PTPRD: variants seen among roughly 807,000 people sequenced by gnomAD.
PTPRD encodes the protein protein tyrosine phosphatase receptor type D, also known as receptor-type tyrosine-protein phosphatase delta.
Under a neutral mutation model 214.5 loss-of-function variants are expected in PTPRD, and 34 were observed. The observed-to-expected ratio is 0.16, with a 90% CI of 0.12 to 0.21. The LOEUF is 0.21. PTPRD is among the 10% of genes least tolerant of loss of function. The pLI is 1.00. For missense variants in PTPRD, 2,545 were observed against 2,398.7 expected (o/e 1.06, Z -1.27); for synonymous variants, 1,128 against 845.7 (o/e 1.33, Z -5.79).
At chr9:9,470,205 T>G (rs909476246) in intron 8 of PTPRD, among the ~76,000 whole-genome samples, 5 of 152,182 alleles carry the variant, frequency 3.3e-5, no homozygotes, top group Non-Finnish European at 7.4e-5. Context: ...ATATTAGATT[T>G]ATATTTGTAT....
chr9:8,568,163 G>A (rs2089985462), intron 14 of PTPRD, among the ~76,000 whole-genome samples: 1 of 152,060 alleles, frequency 6.6e-6, no homozygotes, highest in South Asian at 2.1e-4. Context: ...GGTTTAGTCA[G>A]CAAAATGTTT....
At chr9:9,783,818 C>T (rs939501478) in intron 5 of PTPRD, among the ~76,000 whole-genome samples, 2 of 77,926 alleles carry the variant, frequency 2.6e-5, no homozygotes, top group Non-Finnish European at 5.6e-5. Context: ...TCTCCTGCTT[C>T]GTTTTTTTTT....
At chr9:8,472,603 C>T (rs1565090015) in intron 30 of PTPRD, among the ~76,000 whole-genome samples, 2 of 152,120 alleles carry the variant, frequency 1.3e-5, no homozygotes, top group Admixed American at 6.6e-5. Flanking sequence ...ATGTAAAAGA[C>T]ATATTGCATT....
chr9:8,342,999 T>C (rs879289875), intron 39 of PTPRD, among the ~76,000 whole-genome samples: 1 of 152,024 alleles, frequency 6.6e-6, no homozygotes, highest in Admixed American at 6.6e-5. Flanking sequence ...GGGAGCTACA[T>C]GTGAAATTTT....
At chr9:9,278,640 G>C (rs1194623561) in intron 9 of PTPRD, among the ~76,000 whole-genome samples, 2 of 151,308 alleles carry the variant, frequency 1.3e-5, no homozygotes, top group Non-Finnish European at 3.0e-5. Flanking sequence ...CAACATTACA[G>C]TATGTGGTTG....
chr9:9,576,450 C>G (rs373724519), intron 7 of PTPRD, among the ~76,000 whole-genome samples: 1 of 152,064 alleles, frequency 6.6e-6, no homozygotes, highest in African/African-American at 2.4e-5. Context: ...CCTCCAGGAG[C>G]AAGGATAGAG....
At chr9:10,289,717 A>C (rs1475836422) in intron 3 of PTPRD, among the ~76,000 whole-genome samples, 1 of 152,218 alleles carries the variant, frequency 6.6e-6, no homozygotes, top group Non-Finnish European at 1.5e-5. Flanking sequence ...ATCTTGCCAT[A>C]TAATTTGGCA....
chr9:8,314,952 C>G lies in PTPRD; in HGVS notation c.*2922G>C. 4.3e-6 allele frequency: 1 copy of G among 232,444 alleles called. No individual in the cohort carries two copies. The highest frequency in any genetic ancestry group is 8.5e-6 in the Non-Finnish European group (1 of 117,264). 14.4% of individuals were successfully genotyped at this position (232,444 alleles called of 1,614,324 possible). A position where few individuals can be genotyped will look rare whatever the true frequency, so the allele number is the denominator to read the frequency against. On this transcript the variant is annotated 3_prime_UTR_variant, in exon 46 of 46. Coordinates refer to ENST00000381196, the MANE Select transcript of PTPRD (RefSeq NM_002839.4). ...CATGCAAATCATTTTTAAAAAAGAGCTAAAATAAAGTTCTGTACAAATCAC... is the reference window on the plus strand; with the variant it reads ...CATGCAAATCATTTTTAAAAAAGAGGTAAAATAAAGTTCTGTACAAATCAC...
intron 3 of PTPRD, among the ~76,000 whole-genome samples, chr9:10,244,321 T>C (rs1199834089): frequency 2.0e-5 from 3 of 152,094 alleles, no homozygotes; most frequent in Non-Finnish European, 4.4e-5. Context: ...GCAGAGATAT[T>C]GATTTATGCA....
intron 9 of PTPRD, among the ~76,000 whole-genome samples, chr9:9,222,509 C>A (rs1184699822): frequency 6.6e-6 from 1 of 151,936 alleles, no homozygotes; most frequent in Non-Finnish European, 1.5e-5. Flanking sequence ...GTTATGCCCA[C>A]AAAGCTTAAT....
intron 7 of PTPRD, among the ~76,000 whole-genome samples, chr9:9,682,666 G>A (rs1336881423): frequency 6.6e-6 from 1 of 151,668 alleles, no homozygotes; most frequent in Non-Finnish European, 1.5e-5. Context: ...GGTGTTGGTA[G>A]AGTACACCAG....
chr9:10,344,003 T>C (rs1218354356), intron 2 of PTPRD, among the ~76,000 whole-genome samples: 21 of 143,370 alleles, frequency 1.5e-4, no homozygotes, highest in African/African-American at 5.4e-4. Flanking sequence ...TTTTTTTTTT[T>C]TTTTGCTGTG....
At chr9:10,067,502 G>A (rs926152371) in intron 3 of PTPRD, among the ~76,000 whole-genome samples, 1 of 151,846 alleles carries the variant, frequency 6.6e-6, no homozygotes, top group Admixed American at 6.6e-5. Context: ...AAAAAGCAGT[G>A]AGATATCTAA....
intron 12 of PTPRD, among the ~76,000 whole-genome samples, chr9:8,641,627 C>A (rs2096578545): frequency 2.3e-5 from 3 of 133,326 alleles, no homozygotes; most frequent in African/African-American, 8.2e-5. Context: ...GGCCGATATT[C>A]TAGAATGTGT....
intron 11 of PTPRD, among the ~76,000 whole-genome samples, chr9:8,989,548 A>G (rs1419421215): frequency 2.0e-5 from 3 of 152,096 alleles, no homozygotes; most frequent in Non-Finnish European, 4.4e-5. Flanking sequence ...AATTCCTCCT[A>G]TGGCTGAATA....
intron 5 of PTPRD, among the ~76,000 whole-genome samples, chr9:9,843,844 C>T (rs929794567): frequency 2.6e-5 from 4 of 151,940 alleles, no homozygotes; most frequent in Admixed American, 6.6e-5. Flanking sequence ...TGGTTGTTAA[C>T]TGATTGATGG....
At chr9:10,169,420 G>T (rs937405413) in intron 3 of PTPRD, among the ~76,000 whole-genome samples, 2 of 142,654 alleles carry the variant, frequency 1.4e-5, no homozygotes, top group African/African-American at 5.4e-5. Context: ...CTTGCAGTGA[G>T]CAGAGATCGC....
intron 7 of PTPRD, among the ~76,000 whole-genome samples, chr9:9,683,584 G>A (rs1214300270): frequency 1.3e-5 from 2 of 151,604 alleles, no homozygotes; most frequent in Non-Finnish European, 3.0e-5. Flanking sequence ...AAAGGAAAAA[G>A]GGGACTAATA....
chr9:8,688,223 T>G (rs928792008), intron 12 of PTPRD, among the ~76,000 whole-genome samples: 1 of 152,192 alleles, frequency 6.6e-6, no homozygotes, highest in Non-Finnish European at 1.5e-5. Context: ...ATTCTTTCAG[T>G]ACATAAGATC....
Sources: allele counts gnomAD v4.1 joint callset (sites outside exome capture counted in the v4.1 genomes callset), GRCh38; gene constraint gnomAD v4.1.1; transcripts MANE v1.5; gene names NCBI Gene and HGNC (gene_info 2026-07-23, HGNC 2026-07-21).